Variants in ZRANB3 observed in about 807,000 individuals in gnomAD.
The protein encoded by ZRANB3 is zinc finger RANBP2-type containing 3.
Under a neutral mutation model 133.8 loss-of-function variants are expected in ZRANB3, and 125 were observed. That is an observed-to-expected ratio of 0.93 (90% confidence interval 0.81 to 1.08). The LOEUF is 1.08. Among genes scored for constraint, ZRANB3 ranks in the 50% least tolerant of loss-of-function variants. ZRANB3 has a pLI of 0.00. For synonymous variants in ZRANB3, 387 were observed against 432.7 expected (o/e 0.89, Z 1.31); for missense variants, 1,229 against 1,275.5 (o/e 0.96, Z 0.56).
At chr2:135,248,889 A>G (rs926574774) in intron 12 of ZRANB3, among the ~76,000 whole-genome samples, 4 of 152,150 alleles carry the variant, frequency 2.6e-5, no homozygotes, top group Non-Finnish European at 5.9e-5. Context: ...CTGGGTGAGA[A>G]AGCAAGACTC....
intron 2 of ZRANB3, among the ~76,000 whole-genome samples, chr2:135,401,745 A>C (rs1226516589): frequency 6.6e-6 from 1 of 152,236 alleles, no homozygotes; most frequent in African/African-American, 2.4e-5. Context: ...AAGGACAAGA[A>C]GATTGGAAAG....
chr2:135,473,904 G>C (rs1559022468), intron 2 of ZRANB3, among the ~76,000 whole-genome samples: 1 of 152,064 alleles, frequency 6.6e-6, no homozygotes, highest in East Asian at 1.9e-4. Flanking sequence ...ACTAATGTAG[G>C]ACACACACAG....
At chr2:135,396,833 TAATG>T (rs1256943957) in intron 2 of ZRANB3, among the ~76,000 whole-genome samples, 2 of 152,188 alleles carry the variant, frequency 1.3e-5, no homozygotes, top group Admixed American at 6.5e-5. Context: ...GTTTGTAACA[TAATG>T]AATAAATGCT....
intron 11 of ZRANB3, 44 bp from the exon 12 acceptor site, chr2:135,265,730 A>G (rs762245380): frequency 1.9e-6 from 3 of 1,557,610 alleles, no homozygotes; most frequent in South Asian, 2.5e-5. Flanking sequence ...AGTTCACCTC[A>G]CAGCTGAAAT....
At chr2:135,478,643 G>A (rs887028180) in intron 2 of ZRANB3, among the ~76,000 whole-genome samples, 2 of 151,814 alleles carry the variant, frequency 1.3e-5, no homozygotes, top group Non-Finnish European at 2.9e-5. Flanking sequence ...AAATTCATCC[G>A]GTTGTTATGG....
Position 135,198,732 on chromosome 2 carries a change from C to T in ZRANB3, c.*1610G>A, listed in dbSNP as rs1219184543. On this transcript the variant is annotated 3_prime_UTR_variant, in exon 21 of 21. Transcript: ENST00000264159. ...AAATGAGGCAGAAAACTGCAAAGAG[C>T]ACCTGACCAACTAAGCAGAAAGGAG... is the stretch of plus-strand genomic sequence containing the variant. The T allele has an allele frequency of 6.6e-6, 1 of 152,182 alleles. No homozygotes were observed. Among genetic ancestry groups the T allele is most frequent in the Non-Finnish European group, 1.5e-5 (1 of 68,040 alleles). 9.4% of individuals were successfully genotyped at this position (152,182 alleles called of 1,614,324 possible). A position where few individuals can be genotyped will look rare whatever the true frequency, so the allele number is the denominator to read the frequency against.
intron 2 of ZRANB3, among the ~76,000 whole-genome samples, chr2:135,406,144 C>A (rs1688014190): frequency 6.6e-6 from 1 of 152,052 alleles, no homozygotes; most frequent in South Asian, 2.1e-4. Context: ...GGGGATATCA[C>A]CACCGATCCC....
rs939609239 is a variant in ZRANB3, at chr2:135,274,932, G to A, written c.1086+704C>T. ...ACACAGCACATGTTTCAGAGAGCAC[G>A]GGGTTGGGGGTAAGGTTATAGATTA... On this transcript the variant is annotated intron_variant, in intron 9 of 20. Coordinates refer to ENST00000264159, the MANE Select transcript of ZRANB3 (RefSeq NM_032143.4). Among the ~76,000 whole-genome samples the A allele has an allele frequency of 4.6e-5, 7 of 152,300 alleles. No homozygotes were observed. The East Asian group carries it at 9.7e-4, about 21-fold the overall frequency.
At chr2:135,238,209 T>C (rs1293698408) in intron 12 of ZRANB3, among the ~76,000 whole-genome samples, 12 of 152,120 alleles carry the variant, frequency 7.9e-5, no homozygotes, top group Non-Finnish European at 1.8e-4. Flanking sequence ...AGAAACACAG[T>C]GTGGCTGAAT....
intron 2 of ZRANB3, among the ~76,000 whole-genome samples, chr2:135,496,702 T>C (rs1212684158): frequency 6.6e-6 from 1 of 152,158 alleles, no homozygotes; most frequent in Non-Finnish European, 1.5e-5. Flanking sequence ...GAACAGAAAG[T>C]TAAATGTCCC....
intron 6 of ZRANB3, among the ~76,000 whole-genome samples, chr2:135,335,132 G>A (rs893417254): frequency 6.6e-6 from 1 of 151,548 alleles, no homozygotes; most frequent in Non-Finnish European, 1.5e-5. Flanking sequence ...CAATCTTTAG[G>A]TATGTCTATA....
At position 135,345,527 on chromosome 2, in the gene ZRANB3, T is replaced by G. The variant is rs554706487; in HGVS notation, c.677+23A>C. 1.2e-4 allele frequency: 191 copies of G among 1,559,104 alleles called. 1 individual carries two copies. The South Asian group carries it at 2.2e-3, about 18-fold the overall frequency. ...CACAGTAAACATGTGAGGAAAAAAT[T>G]TACGGAAAATAGTTTAACTTACCTG... On this transcript the variant is annotated intron_variant, in intron 6 of 20. Transcript: ENST00000264159.
At chr2:135,330,969 C>G (rs780243072) in intron 6 of ZRANB3, among the ~76,000 whole-genome samples, 2 of 152,040 alleles carry the variant, frequency 1.3e-5, no homozygotes, top group Admixed American at 6.6e-5. Context: ...AGTAGTCTAT[C>G]AATTTTGTTG....
chr2:135,305,785 T>G (rs1377442126), intron 8 of ZRANB3, among the ~76,000 whole-genome samples: 1 of 152,224 alleles, frequency 6.6e-6, no homozygotes, highest in African/African-American at 2.4e-5. Flanking sequence ...ATAAATTCCT[T>G]CAGTTTTTCC....
At chr2:135,511,758 G>T (rs1693467259) in intron 1 of ZRANB3, 3 of 763,880 alleles carry the variant, frequency 3.9e-6, no homozygotes, top group Non-Finnish European at 7.3e-6. Context: ...TCACTTTCCT[G>T]TGGATTTCTT....
intron 2 of ZRANB3, among the ~76,000 whole-genome samples, chr2:135,426,277 T>C (rs894921653): frequency 7.9e-5 from 12 of 152,002 alleles, no homozygotes; most frequent in African/African-American, 2.7e-4. Flanking sequence ...CTGGCACTAT[T>C]CCTACTAAAA....
chr2:135,365,518 T>C (rs1025454586), intron 3 of ZRANB3, among the ~76,000 whole-genome samples: 5 of 152,130 alleles, frequency 3.3e-5, no homozygotes, highest in African/African-American at 1.2e-4. Context: ...CTATACGTAA[T>C]GAACACAGTG....
chr2:135,329,118 T>A (rs761521482), intron 6 of ZRANB3, among the ~76,000 whole-genome samples: 1 of 152,216 alleles, frequency 6.6e-6, no homozygotes, highest in Non-Finnish European at 1.5e-5. Flanking sequence ...GGTGTTTTAG[T>A]CATGAGGCCC....
intron 2 of ZRANB3, among the ~76,000 whole-genome samples, chr2:135,422,504 C>T (rs1199494874): frequency 2.7e-5 from 4 of 146,392 alleles, no homozygotes; most frequent in African/African-American, 1.0e-4. Context: ...GGCAGGGGGG[C>T]GGCGGGGGCA....
Sources: gnomAD v4.1 joint callset for allele counts (sites outside exome capture counted in the v4.1 genomes callset) on GRCh38, gnomAD v4.1.1 for gene constraint, MANE v1.5 for transcripts, NCBI Gene and HGNC (gene_info 2026-07-23, HGNC 2026-07-21) for gene names.